The following ATRNL1 variants were observed in gnomAD, a reference collection of about 807,000 sequenced individuals.
ATRNL1 encodes attractin like 1.
Under a neutral mutation model 182.7 loss-of-function variants are expected in ATRNL1, and 95 were observed. That is an observed-to-expected ratio of 0.52 (90% CI 0.44 to 0.62). The LOEUF (loss-of-function observed/expected upper bound fraction) is 0.62, where lower values mean the gene tolerates loss of function less well. Ranked by LOEUF, ATRNL1 falls within the 20% of genes least tolerant of loss-of-function variation. The pLI is 0.00. For synonymous variants in ATRNL1, 576 were observed against 568.3 expected (o/e 1.01, Z -0.19); for missense variants, 1,471 against 1,679.5 (o/e 0.88, Z 2.17).
intron 26 of ATRNL1, among the ~76,000 whole-genome samples, chr10:115,629,457 T>C (rs1296726463): frequency 2.0e-5 from 3 of 152,276 alleles, no homozygotes; most frequent in Non-Finnish European, 4.4e-5. Context: ...CAAGGATAGG[T>C]ATGCCTAAGT....
chr10:115,776,548 G>A (rs1224035036), intron 27 of ATRNL1, among the ~76,000 whole-genome samples: 21 of 142,970 alleles, frequency 1.5e-4, no homozygotes, highest in Admixed American at 1.4e-3. Context: ...TGTCAGTTTT[G>A]GGGTCCAGGC....
intron 28 of ATRNL1, among the ~76,000 whole-genome samples, chr10:115,907,120 G>C (rs1952527978): frequency 6.6e-6 from 1 of 152,194 alleles, no homozygotes; most frequent in Admixed American, 6.5e-5. Context: ...CCTGGCCACA[G>C]TTACACGTCT....
intron 19 of ATRNL1, among the ~76,000 whole-genome samples, chr10:115,382,832 T>A (rs1442508936): frequency 2.0e-5 from 3 of 151,936 alleles, no homozygotes; most frequent in Non-Finnish European, 4.4e-5. Flanking sequence ...CTGTTAAACA[T>A]GTTAGATGTG....
chr10:115,838,438 GA>G, intron 27 of ATRNL1, among the ~76,000 whole-genome samples: 1 of 152,286 alleles, frequency 6.6e-6, no homozygotes, highest in Non-Finnish European at 1.5e-5. Context: ...AACCTCTTGA[GA>G]AGGTCATCTC....
intron 8 of ATRNL1, among the ~76,000 whole-genome samples, chr10:115,201,026 C>G (rs1848554165): frequency 6.8e-6 from 1 of 147,980 alleles, no homozygotes; most frequent in African/African-American, 2.5e-5. Context: ...TAAATGTCTT[C>G]TTTTGAGAAG....
chr10:115,329,717 T>G (rs1318880968), intron 18 of ATRNL1, among the ~76,000 whole-genome samples: 1 of 152,158 alleles, frequency 6.6e-6, no homozygotes, highest in Non-Finnish European at 1.5e-5. Context: ...ACTTTTCCAT[T>G]TGCGTGCAAT....
intron 24 of ATRNL1, among the ~76,000 whole-genome samples, chr10:115,490,462 T>C (rs1393716436): frequency 2.0e-5 from 3 of 152,204 alleles, no homozygotes; most frequent in Non-Finnish European, 4.4e-5. Context: ...TGGCTTTATT[T>C]CTTTGAGTTG....
chr10:115,097,262 T>C (rs2085037028), intron 1 of ATRNL1, among the ~76,000 whole-genome samples: 1 of 152,032 alleles, frequency 6.6e-6, no homozygotes, highest in African/African-American at 2.4e-5. Context: ...GGTGGAAGGA[T>C]CCCTTGAGCC....
intron 28 of ATRNL1, among the ~76,000 whole-genome samples, chr10:115,899,667 G>A (rs572500848): frequency 6.6e-6 from 1 of 152,194 alleles, no homozygotes; most frequent in Non-Finnish European, 1.5e-5. Context: ...ATAGCTATAT[G>A]TATTTTTAAA....
intron 26 of ATRNL1, among the ~76,000 whole-genome samples, chr10:115,684,732 A>C (rs1426033560): frequency 4.0e-5 from 6 of 151,654 alleles, no homozygotes; most frequent in African/African-American, 1.4e-4. Flanking sequence ...CTGTATGTTC[A>C]TTACAGAGTT....
chr10:115,352,301 A>T (rs2134127411), intron 19 of ATRNL1, among the ~76,000 whole-genome samples: 1 of 151,824 alleles, frequency 6.6e-6, no homozygotes, highest in Non-Finnish European at 1.5e-5. Context: ...TCTATAACTT[A>T]TTCATTTGTG....
intron 26 of ATRNL1, among the ~76,000 whole-genome samples, chr10:115,592,821 A>G (rs1454475835): frequency 6.6e-6 from 1 of 152,308 alleles, no homozygotes; most frequent in Non-Finnish European, 1.5e-5. Context: ...TTGAAACTCT[A>G]TATATTTGAT....
chr10:115,489,116 C>T lies in ATRNL1; in HGVS notation c.3654+19787C>T, dbSNP rs1337568296. On this transcript the variant is annotated intron_variant, in intron 24 of 28. Coordinates refer to ENST00000355044, the MANE Select transcript of ATRNL1 (RefSeq NM_207303.4). ...GTTTCTTATGATTTCCGTTCTTTTG[C>T]ATTTGCTGAAGAGTATTTTACTTAC... Among the ~76,000 whole-genome samples, 4 of 152,104 alleles carry T rather than the reference C, an allele frequency of 2.6e-5. No individual in the cohort carries two copies. In the East Asian group the frequency reaches 7.7e-4, roughly 29 times the overall value.
chr10:115,505,708 A>G (rs1554981135), intron 24 of ATRNL1, among the ~76,000 whole-genome samples: 1 of 152,026 alleles, frequency 6.6e-6, no homozygotes, highest in East Asian at 1.9e-4. Context: ...AAAAAAGGCA[A>G]GGTTCTAGGA....
chr10:115,339,868 A>G (rs1282530001), intron 19 of ATRNL1, among the ~76,000 whole-genome samples: 1 of 152,120 alleles, frequency 6.6e-6, no homozygotes, highest in African/African-American at 2.4e-5. Context: ...AGGTTGAGTT[A>G]TGTTCCTTCA....
chr10:115,395,684 C>T (rs1554955348), intron 20 of ATRNL1, among the ~76,000 whole-genome samples: 2 of 151,608 alleles, frequency 1.3e-5, no homozygotes, highest in East Asian at 1.9e-4. Context: ...TGCAGGAACC[C>T]TCTACTGCTA....
At chr10:115,621,276 T>TATATATATAGAGAGAGAGAG (rs1268020830) in intron 26 of ATRNL1, among the ~76,000 whole-genome samples, 13 of 47,576 alleles carry the variant, frequency 2.7e-4, no homozygotes, top group South Asian at 2.1e-3. Flanking sequence ...TATATATATA[T>TATATATATAGAGAGAGAGAG]AGAGAGAGAG....
rs2252493 is a variant in ATRNL1, at chr10:115,234,778, C to T, written c.1533-6793C>T. 8.1e-3 allele frequency among the ~76,000 whole-genome samples: 1,231 copies of T among 151,628 alleles called. 17 individuals carry two copies. The highest frequency in any genetic ancestry group is 0.028 in the African/African-American group (1,179 of 41,370). On this transcript the variant is annotated intron_variant, in intron 9 of 28. Transcript: ENST00000355044. ...ACTAATTTTTGTATTTATTAGGGAC[C>T]GGGTTTTGCTATGTTGCCCTGGCTG...
At chr10:115,140,983 A>G (rs1442025192) in intron 5 of ATRNL1, among the ~76,000 whole-genome samples, 1 of 152,122 alleles carries the variant, frequency 6.6e-6, no homozygotes, top group African/African-American at 2.4e-5. Flanking sequence ...AGTCCAGGTC[A>G]GATCCCCCTG....
Sources: gnomAD v4.1 joint callset for allele counts (sites outside exome capture counted in the v4.1 genomes callset) on GRCh38, gnomAD v4.1.1 for gene constraint, MANE v1.5 for transcripts, NCBI Gene and HGNC (gene_info 2026-07-23, HGNC 2026-07-21) for gene names.